The following GEMIN5 variants were observed in gnomAD, a reference collection of about 807,000 sequenced individuals.
The protein encoded by GEMIN5 is gem-associated protein 5.
A neutral mutation model predicts 176.9 loss-of-function variants in GEMIN5; 124 were observed. That is an observed-to-expected ratio of 0.70 (90% CI 0.61 to 0.81). GEMIN5 has a LOEUF of 0.81. Among genes scored for constraint, GEMIN5 ranks in the 40% least tolerant of loss-of-function variants. GEMIN5 has a pLI of 0.00. For missense variants in GEMIN5, 1,843 were observed against 1,814.6 expected (o/e 1.02, Z -0.28); for synonymous variants, 673 against 665.2 (o/e 1.01, Z -0.18).
chr5:154,899,633 T>C (rs930879494), intron 21 of GEMIN5, among the ~76,000 whole-genome samples: 5 of 141,876 alleles, frequency 3.5e-5, no homozygotes, highest in East Asian at 2.1e-4. Flanking sequence ...AAAAAAAAAA[T>C]GTGTTGACAT....
chr5:154,904,715 T>C, intron 17 of GEMIN5, 86 bp from the exon 18 acceptor site: 1 of 984,258 alleles, frequency 1.0e-6, no homozygotes, highest in Non-Finnish European at 1.6e-6. Context: ...TGTAACCTAC[T>C]GGCAGGACGA....
chr5:154,934,118 C>A (rs185099367), intron 3 of GEMIN5, among the ~76,000 whole-genome samples: 1 of 152,086 alleles, frequency 6.6e-6, no homozygotes, highest in South Asian at 2.1e-4. Context: ...CAGGTTCAAG[C>A]GATTCTCCTG....
At position 154,907,768 on chromosome 5, in the gene GEMIN5, TTGC is replaced by T. The variant is rs1196106790; in HGVS notation, c.2215_2217del (p.Ala739del). On this transcript the variant is annotated inframe_deletion, in exon 16 of 28. Transcript: ENST00000285873. ...GTGGGCTTTTTCTTCTTTTTGGGCT[TTGC>T]CTTAGGTTGAGAGAGCCGTTTTTTC... The T allele has an allele frequency of 1.2e-6, 2 of 1,614,180 alleles. No individual in the cohort carries two copies. The highest frequency in any genetic ancestry group is 1.3e-5 in the African/African-American group (1 of 75,036).
chr5:154,923,532 G>A (rs1267278606), intron 9 of GEMIN5, among the ~76,000 whole-genome samples: 5 of 152,246 alleles, frequency 3.3e-5, no homozygotes, highest in African/African-American at 1.2e-4. Flanking sequence ...TGCTGTGGTA[G>A]TATGAAAGCA....
In GEMIN5 at chr5:154,925,533, G is replaced by T. The variant is rs548245425; in HGVS notation, c.1293+329C>A. ...ATACCTTTCCACATCAAGGAAGAAG[G>T]AATCTACATTATCATTTTCAATAAT... is the stretch of plus-strand genomic sequence containing the variant. On this transcript the variant is annotated intron_variant, in intron 8 of 27. Coordinates refer to ENST00000285873, the MANE Select transcript of GEMIN5 (RefSeq NM_015465.5). Among the ~76,000 whole-genome samples the T allele has an allele frequency of 2.6e-5, 4 of 152,188 alleles. No homozygotes were observed. The East Asian group carries it at 7.7e-4, about 29-fold the overall frequency.
intron 3 of GEMIN5, among the ~76,000 whole-genome samples, chr5:154,934,119 G>A (rs571916060): frequency 4.6e-5 from 7 of 152,224 alleles, no homozygotes; most frequent in East Asian, 1.9e-4. Context: ...AGGTTCAAGC[G>A]ATTCTCCTGC....
In GEMIN5 at chr5:154,928,615, C is replaced by A. The variant is rs750956190; in HGVS notation, c.826G>T (p.Gly276Cys). Residue 276 changes from glycine (G) to cysteine (C), a missense_variant, in exon 6 of 28, where the codon GGT becomes TGT. Gly to Cys is a radical substitution (Grantham distance 159). Transcript: ENST00000285873. ...KLPFLKRRGGGIDPTVKERLW... is the reference protein window; with the variant it reads ...KLPFLKRRGGCIDPTVKERLW... ...CGCTCTTTAACAGTTGGGTCTATAC[C>A]CCCTCCTCTTCTCTTCAGAAAGGGC... 6.8e-6 allele frequency: 11 copies of A among 1,613,548 alleles called. No individual in the cohort carries two copies. The highest frequency in any genetic ancestry group is 1.1e-5 in the South Asian group (1 of 91,076).
chr5:154,921,335 A>G lies in GEMIN5; in HGVS notation c.1462+8T>C. The G allele has an allele frequency of 9.2e-7, 1 of 1,090,184 alleles. No homozygotes were observed. The highest frequency in any genetic ancestry group is 2.4e-5 in the East Asian group (1 of 41,550). 67.5% of individuals were successfully genotyped at this position (1,090,184 alleles called of 1,614,324 possible). A position where few individuals can be genotyped will look rare whatever the true frequency, so the allele number is the denominator to read the frequency against. ...TCATATTTGTTATGGAATTGTTCAG[A>G]TACTTACCAAGTGACATGGGGGGTA... On this transcript the variant is annotated splice_region_variant and intron_variant, in intron 10 of 27. Coordinates refer to ENST00000285873, the MANE Select transcript of GEMIN5 (RefSeq NM_015465.5).
chr5:154,905,447 C>T lies in GEMIN5; in HGVS notation c.2425G>A (p.Val809Ile), dbSNP rs1288804208. The T allele has an allele frequency of 6.2e-7, 1 of 1,600,652 alleles. No individual in the cohort carries two copies. Among genetic ancestry groups the T allele is most frequent in the Non-Finnish European group, 8.5e-7 (1 of 1,170,846 alleles). ...VSREPVICTP[V>I]SSGFEKSKVT... ...TTTGACTTTTCAAAGCCTGAGGAAA[C>T]TGGAGTGCAGATAACTGGTTCTCTA... is the stretch of plus-strand genomic sequence containing the variant. Residue 809 changes from valine (V) to isoleucine (I), a missense_variant, in exon 17 of 28, where the codon GTT becomes ATT. Physicochemically the swap from Val to Ile is conservative, Grantham distance 29. Transcript: ENST00000285873.
In GEMIN5 at chr5:154,911,859, G is replaced by A. The variant is rs371627547; in HGVS notation, c.2035C>T (p.Arg679Ter). Residue 679 changes from arginine (R) to a stop codon, truncating the protein, a stop_gained, in exon 15 of 28, where the codon CGA (arginine) becomes TGA (stop). Transcript: ENST00000285873. LOFTEE classifies it high-confidence loss of function. ...CAAAGCAGTCGACCTCGATGTCCTC[G>A]GAAATTGCACAGGGGCTCTTCCCGG... Reference protein sequence around the residue: ...ALREEPLCNFRGHRGRLLCVA... With the variant: ...ALREEPLCNF The A allele has an allele frequency of 9.9e-6, 16 of 1,613,964 alleles. No homozygotes were observed. The highest frequency in any genetic ancestry group is 6.7e-5 in the Admixed American group (4 of 59,992).
At position 154,917,084 on chromosome 5, in the gene GEMIN5, T is replaced by C. The variant is rs1043350746; in HGVS notation, c.1769A>G (p.His590Arg). ...LVNTISWHHEHGSQPELSYLM... is the reference protein window; with the variant it reads ...LVNTISWHHERGSQPELSYLM... ...ATAGCTCAATTCTGGCTGGCTGCCA[T>C]GCTCATGATGCCAGCTAATGGTATT... The change falls in exon 13 of 28, where the codon CAT (histidine) becomes CGT (arginine). Residue 590 changes from histidine (H) to arginine (R), a missense_variant. His to Arg is a conservative substitution (Grantham distance 29). Coordinates refer to ENST00000285873, the MANE Select transcript of GEMIN5 (RefSeq NM_015465.5). 2.5e-6 allele frequency: 4 copies of C among 1,609,154 alleles called. No homozygotes were observed. In the Admixed American group the frequency reaches 5.0e-5, roughly 20 times the overall value.
At position 154,912,926 on chromosome 5, in the gene GEMIN5, T is replaced by C. The variant is rs769650401; in HGVS notation, c.1968A>G (p.Val656=). ...AWSPHHDGRL[V]SASYDGTAQV... ...GGGCTGTACCATCATAGGAAGCAGA[T>C]ACCAGCCTTCCATCATGATGTGGGC... The change falls in exon 14 of 28, where the codon GTA becomes GTG. Residue 656 remains valine (V), a synonymous_variant. Transcript: ENST00000285873. 4.3e-6 allele frequency: 7 copies of C among 1,613,832 alleles called. No homozygotes were observed. Among genetic ancestry groups the C allele is most frequent in the South Asian group, 2.2e-5 (2 of 91,070 alleles).
At position 154,895,720 on chromosome 5, in the gene GEMIN5, C is replaced by G. The variant is rs560892432; in HGVS notation, c.3597+372G>C. ...TATATTTTCTAGACTTTTTATTTTACTTTTTTAGAAAAGGAAATAGTGGCT... is the reference window on the plus strand; with the variant it reads ...TATATTTTCTAGACTTTTTATTTTAGTTTTTTAGAAAAGGAAATAGTGGCT... On this transcript the variant is annotated intron_variant, in intron 24 of 27. Coordinates refer to ENST00000285873, the MANE Select transcript of GEMIN5 (RefSeq NM_015465.5). Among the ~76,000 whole-genome samples, 15 of 152,180 alleles carry G rather than the reference C, an allele frequency of 9.9e-5. No homozygotes were observed. The South Asian group carries it at 3.1e-3, about 32-fold the overall frequency.
At position 154,897,974 on chromosome 5, in the gene GEMIN5, G is replaced by A. The variant is rs1259501729; in HGVS notation, c.3345+466C>T. Among the ~76,000 whole-genome samples, 7 of 135,458 alleles carry A rather than the reference G, an allele frequency of 5.2e-5. 1 individual carries two copies. Among genetic ancestry groups the A allele is most frequent in the African/African-American group, 1.7e-4 (6 of 35,916 alleles). 88.9% of individuals were successfully genotyped at this position (135,458 alleles called of 152,430 possible). ...TGTTGCCCAGGCTGGATCTTGGCTC[G>A]CTGCAACCTCCGCCTTCCGGGTTCA... On this transcript the variant is annotated intron_variant, in intron 23 of 27. Coordinates refer to ENST00000285873, the MANE Select transcript of GEMIN5 (RefSeq NM_015465.5).
chr5:154,899,363 G>T, intron 21 of GEMIN5, 53 bp from the exon 22 acceptor site: 1 of 1,431,378 alleles, frequency 7.0e-7, no homozygotes, highest in Non-Finnish European at 9.3e-7. Context: ...CTCTGTGTAT[G>T]GTCCTAGGAG....
At chr5:154,890,945 G>A (rs893976470) in intron 26 of GEMIN5, among the ~76,000 whole-genome samples, 4 of 151,998 alleles carry the variant, frequency 2.6e-5, no homozygotes, top group Admixed American at 1.3e-4. Flanking sequence ...TAGTAGAGAC[G>A]GGGTTTCACC....
chr5:154,911,644 A>C, intron 15 of GEMIN5, 83 bp downstream of exon 15: 1 of 1,228,832 alleles, frequency 8.1e-7, no homozygotes, highest in Non-Finnish European at 1.2e-6. Context: ...CCCTACACGA[A>C]TGTCTTCCTT....
chr5:154,905,830 G>C (rs1209368240), intron 16 of GEMIN5, among the ~76,000 whole-genome samples: 5 of 151,774 alleles, frequency 3.3e-5, no homozygotes, highest in African/African-American at 1.2e-4. Flanking sequence ...CTCGCCAGTA[G>C]CTGGCACAAG....
chr5:154,925,451 C>G (rs1357444445), intron 8 of GEMIN5, among the ~76,000 whole-genome samples: 1 of 152,152 alleles, frequency 6.6e-6, no homozygotes, highest in Admixed American at 6.5e-5. Flanking sequence ...ATTACACATA[C>G]TGTTTTATAA....
Sources: gnomAD v4.1 joint callset for allele counts (sites outside exome capture counted in the v4.1 genomes callset) on GRCh38, gnomAD v4.1.1 for gene constraint, MANE v1.5 for transcripts, NCBI Gene and HGNC (gene_info 2026-07-23, HGNC 2026-07-21) for gene names.